The following NUP85 variants were observed in gnomAD, a reference collection of about 807,000 sequenced individuals.
The protein encoded by NUP85 is nucleoporin 85, also known as nuclear pore complex protein Nup85.
In NUP85, 23 loss-of-function variants were observed where a neutral mutation model predicts 92.8. The observed-to-expected ratio is 0.25, with a 90% CI of 0.18 to 0.35. The LOEUF (loss-of-function observed/expected upper bound fraction) is 0.35, where lower values mean the gene tolerates loss of function less well. Ranked by LOEUF, NUP85 falls within the 10% of genes least tolerant of loss-of-function variation. The probability of loss-of-function intolerance (pLI) is 1.00; values close to 1 mark genes in which losing one functional copy is unlikely to be tolerated. For missense variants in NUP85, 759 were observed against 822.8 expected, an observed-to-expected ratio of 0.92 and a Z score of 0.95; for synonymous variants, 314 against 306.9, an observed-to-expected ratio of 1.02 and a Z score of -0.24.
Position 75,226,143 on chromosome 17 carries a change from A to C in NUP85, c.1080A>C (p.Val360=), listed in dbSNP as rs765411329. 7 of 1,613,952 alleles carry C rather than the reference A, an allele frequency of 4.3e-6. No homozygotes were observed. The Admixed American group carries it at 1.2e-4, about 27-fold the overall frequency. Residue 360 remains valine, a synonymous_variant, in exon 11 of 19, where the codon GTA becomes GTC. Coordinates refer to ENST00000245544, the MANE Select transcript of NUP85 (RefSeq NM_024844.5). The part of the protein sequence containing the change: ...LAAFEFDIHQ[V]IKECSIALSN... ...CCTTTGAGTTTGACATCCATCAAGT[A>C]ATCAAAGAGTGCAGGTAGGATCTCT...
Position 75,231,921 on chromosome 17 carries a change from C to G in NUP85, c.1338C>G (p.Thr446=), listed in dbSNP as rs781499321. 6.2e-7 allele frequency: 1 copy of G among 1,614,180 alleles called. No individual in the cohort carries two copies. The highest frequency in any genetic ancestry group is 1.7e-5 in the Admixed American group (1 of 60,022). Residue 446 remains threonine (T), a synonymous_variant, in exon 14 of 19, where the codon ACC becomes ACG. Transcript: ENST00000245544. The surrounding 1 kb of genome is among the most constrained non-coding windows in gnomAD (Gnocchi z 4.6). The stretch of plus-strand genomic sequence containing the variant: ...ACATTGAGCGGATACCTCTGAACAC[C>G]GAGCAGAAAGCCCTGAAGGTGCTGC... ...ELHIERIPLN[T]EQKALKVLRI...
chr17:75,225,958 G>A, intron 10 of NUP85, 93 bp from the exon 11 acceptor site: 1 of 1,594,486 alleles, frequency 6.3e-7, no homozygotes, highest in Non-Finnish European at 8.6e-7. Context: ...AAAGAACAAG[G>A]CACCTTCTCT....
At chr17:75,234,523 G>T in intron 16 of NUP85, 114 bp from the exon 17 acceptor site, 4 of 974,052 alleles carry the variant, frequency 4.1e-6, no homozygotes, top group East Asian at 2.4e-5. Flanking sequence ...GCTTTGTGGA[G>T]TGGCTGGTCT....
At chr17:75,208,664 G>A (rs764511431) in intron 2 of NUP85, 44 bp downstream of exon 2, 2 of 1,125,712 alleles carry the variant, frequency 1.8e-6, no homozygotes, top group Non-Finnish European at 2.7e-6. Context: ...GGCACATTTG[G>A]TTGTTTTTCT....
At chr17:75,213,020 A>C in intron 4 of NUP85, 56 bp from the exon 5 acceptor site, 1 of 1,523,188 alleles carries the variant, frequency 6.6e-7, no homozygotes, top group Non-Finnish European at 9.0e-7. Context: ...ATATTCAGCT[A>C]TGACAATAAG....
intron 7 of NUP85, 58 bp downstream of exon 7, chr17:75,218,364 G>A (rs1458766198): frequency 8.7e-6 from 14 of 1,604,158 alleles, no homozygotes; most frequent in South Asian, 5.5e-5. Flanking sequence ...TGGTGCTGCC[G>A]GGTGGGTCTG....
intron 7 of NUP85, among the ~76,000 whole-genome samples, chr17:75,222,830 T>C (rs2075636237): frequency 6.6e-6 from 1 of 151,692 alleles, no homozygotes; most frequent in African/African-American, 2.4e-5. Context: ...AGTCAGGAGA[T>C]CAAGACCATC....
At chr17:75,226,727 T>C (rs1277562508) in intron 11 of NUP85, 1 of 450,124 alleles carries the variant, frequency 2.2e-6, no homozygotes, top group Non-Finnish European at 4.5e-6. Flanking sequence ...ACCATATACA[T>C]AACTGTTTCC....
chr17:75,206,996 C>G (rs2075104633), intron 1 of NUP85, among the ~76,000 whole-genome samples: 1 of 151,860 alleles, frequency 6.6e-6, no homozygotes, highest in African/African-American at 2.4e-5. Flanking sequence ...CGTGAGCCAC[C>G]GCACCCGGCC....
chr17:75,206,023 C>T (rs1360667268), intron 1 of NUP85, among the ~76,000 whole-genome samples: 2 of 152,112 alleles, frequency 1.3e-5, no homozygotes, highest in African/African-American at 4.8e-5. Context: ...GAAGGTCCCA[C>T]TCCGTCCCTT....
rs1219102276 is a variant in NUP85, at chr17:75,225,111, C to T, written c.606C>T (p.Ile202=). 4 of 1,559,516 alleles carry T rather than the reference C, an allele frequency of 2.6e-6. No homozygotes were observed. The East Asian group carries it at 6.8e-5, about 26-fold the overall frequency. Residue 202 remains isoleucine, a synonymous_variant, in exon 8 of 19, where the codon ATC becomes ATT. Transcript: ENST00000245544. ...CCCGGATCTCCTCCCAGGTGACCAT[C>T]TTGGTGCTGCAGGGCCGGCTGGATG... ...KHDSFWNLVT[I]LVLQGRLDEA...
intron 7 of NUP85, among the ~76,000 whole-genome samples, chr17:75,221,022 C>T (rs563747364): frequency 6.5e-4 from 99 of 151,662 alleles, no homozygotes; most frequent in African/African-American, 2.3e-3. Flanking sequence ...GCTGGGACCA[C>T]GGGCGCCTGC....
At chr17:75,230,392 C>T (rs1208480599) in intron 11 of NUP85, among the ~76,000 whole-genome samples, 1 of 145,968 alleles carries the variant, frequency 6.9e-6, no homozygotes, top group African/African-American at 2.6e-5. Flanking sequence ...TGGAGTCTCA[C>T]TTTGTCGCCC....
Position 75,209,804 on chromosome 17 carries a change from T to C in NUP85, c.128-19T>C, listed in dbSNP as rs140438906. 5.1e-4 allele frequency: 796 copies of C among 1,569,060 alleles called. 6 individuals carry two copies. The African/African-American group carries it at 0.01, about 20-fold the overall frequency. ...TGATCATAATAGATGTTAAATTTTT[T>C]TTTTCTGTTTGGTTTCAGAAAAATC... On this transcript the variant is annotated intron_variant, in intron 2 of 18. Transcript: ENST00000245544.
chr17:75,212,458 C>A (rs1405515457), intron 4 of NUP85, among the ~76,000 whole-genome samples: 1 of 124,758 alleles, frequency 8.0e-6, no homozygotes, highest in Non-Finnish European at 1.6e-5. Flanking sequence ...GAGTCAGCCA[C>A]TGTGCCTGGA....
chr17:75,233,377 T>C (rs7223947), intron 16 of NUP85, among the ~76,000 whole-genome samples: 14 of 101,560 alleles, frequency 1.4e-4, no homozygotes, highest in South Asian at 4.4e-4. Flanking sequence ...TTTTCTTTCT[T>C]TCTCTCTTTC....
At chr17:75,233,377 T>TC (rs1555668564) in intron 16 of NUP85, among the ~76,000 whole-genome samples, 8,478 of 101,286 alleles carry the variant, frequency 0.084, 705 homozygotes, top group African/African-American at 0.18. Flanking sequence ...TTTTCTTTCT[T>TC]TCTCTCTTTC....
At chr17:75,215,710 T>A (rs1039620253) in intron 5 of NUP85, 44 bp from the exon 6 acceptor site, 1 of 1,580,324 alleles carries the variant, frequency 6.3e-7, no homozygotes, top group African/African-American at 1.3e-5. Context: ...AGAGCAAAGC[T>A]CAGGAATCAT....
At chr17:75,235,266 C>A in intron 18 of NUP85, 65 bp downstream of exon 18, 2 of 1,178,470 alleles carry the variant, frequency 1.7e-6, no homozygotes, top group African/African-American at 1.5e-5. Context: ...CTATCTCAGG[C>A]TTCCCCTTCC....
Sources: gnomAD v4.1 joint callset for allele counts (sites outside exome capture counted in the v4.1 genomes callset) on GRCh38, gnomAD v4.1.1 for gene constraint, Gnocchi (gnomAD v3.1) non-coding constraint, MANE v1.5 for transcripts, NCBI Gene and HGNC (gene_info 2026-07-23, HGNC 2026-07-21) for gene names.